Variants in SYT12 observed in about 807,000 individuals in gnomAD.
The protein encoded by SYT12 is synaptotagmin-12.
Under a neutral mutation model 39.5 loss-of-function variants are expected in SYT12, and 27 were observed. That is an observed-to-expected ratio of 0.68 (90% CI 0.50 to 0.94). The LOEUF is 0.94. SYT12 is among the 40% of genes least tolerant of loss of function. SYT12 has a pLI of 0.00. For missense variants in SYT12, 536 were observed against 572.6 expected (o/e 0.94, Z 0.65); for synonymous variants, 233 against 239.7 (o/e 0.97, Z 0.26).
rs751501553 is a variant in SYT12 at position 67,030,167 on chromosome 11, A to G, written c.23A>G (p.Tyr8Cys). The G allele has an allele frequency of 1.2e-6, 2 of 1,614,100 alleles. No homozygotes were observed. The highest frequency in any genetic ancestry group is 4.5e-5 in the East Asian group (2 of 44,872). ...ATCATGGCTGTGGATGTGGCAGAAT[A>G]CCATCTGAGCGGTGAGTGCCCAGGG... MAVDVAE[Y>C]HLSVIKSPPG... Residue 8 changes from tyrosine to cysteine, a missense_variant, in exon 2 of 8, where the codon TAC becomes TGC. Transcript: ENST00000527043.
chr11:67,015,005 C>G (rs1410448477), intron 3 of SYT12, among the ~76,000 whole-genome samples: 5 of 152,348 alleles, frequency 3.3e-5, no homozygotes, highest in Non-Finnish European at 1.5e-5. Context: ...TAAAAGACAG[C>G]TGCTTTCTTT....
Sources: gnomAD v4.1 joint callset for allele counts (sites outside exome capture counted in the v4.1 genomes callset) on GRCh38, gnomAD v4.1.1 for gene constraint, MANE v1.5 for transcripts, NCBI Gene and HGNC (gene_info 2026-07-23, HGNC 2026-07-21) for gene names.